The following SPAG16 variants were observed in gnomAD, a reference collection of about 807,000 sequenced individuals.
SPAG16 encodes sperm associated antigen 16.
In SPAG16, 86 loss-of-function variants were observed where a neutral mutation model predicts 80.4. The observed-to-expected ratio is 1.07, with a 90% CI of 0.90 to 1.28. SPAG16 has a LOEUF of 1.28. Among genes scored for constraint, SPAG16 ranks in the 50% most tolerant of loss-of-function variants. The pLI is 0.00. For missense variants in SPAG16, 870 were observed against 765.3 expected, an observed-to-expected ratio of 1.14 and a Z score of -1.61; for synonymous variants, 294 against 265.9, an observed-to-expected ratio of 1.11 and a Z score of -1.03.
chr2:214,151,664 G>A (rs1197438710), intron 15 of SPAG16, among the ~76,000 whole-genome samples: 1 of 152,070 alleles, frequency 6.6e-6, no homozygotes, highest in Non-Finnish European at 1.5e-5. Flanking sequence ...GCTCACATTA[G>A]TTATGTCTAA....
intron 8 of SPAG16, among the ~76,000 whole-genome samples, chr2:213,371,583 CCATTTATTTTCGG>C (rs1333917577): frequency 1.3e-5 from 2 of 152,120 alleles, no homozygotes; most frequent in Non-Finnish European, 2.9e-5. Context: ...ATCCATCTAT[CCATTTATTTTCGG>C]CAGAAGTTGG....
intron 10 of SPAG16, among the ~76,000 whole-genome samples, chr2:213,659,717 A>G (rs555443697): frequency 1.3e-5 from 2 of 152,332 alleles, no homozygotes; most frequent in South Asian, 2.1e-4. Flanking sequence ...AACTTTTTCT[A>G]TTCCAGTAAC....
At chr2:214,304,240 G>T (rs1398180556) in intron 15 of SPAG16, among the ~76,000 whole-genome samples, 1 of 152,160 alleles carries the variant, frequency 6.6e-6, no homozygotes, top group East Asian at 1.9e-4. Context: ...GCCATAAACT[G>T]GCCCCAAAAG....
chr2:213,357,905 T>G (rs2065756953), intron 7 of SPAG16, among the ~76,000 whole-genome samples: 1 of 152,248 alleles, frequency 6.6e-6, no homozygotes, highest in African/African-American at 2.4e-5. Flanking sequence ...TGGTTGTTCC[T>G]TTCCATGTTT....
chr2:213,416,938 T>C (rs1378303566), intron 9 of SPAG16, among the ~76,000 whole-genome samples: 1 of 152,218 alleles, frequency 6.6e-6, no homozygotes, highest in Admixed American at 6.5e-5. Flanking sequence ...CAGGACAGAC[T>C]TAACAGTTTA....
chr2:214,180,901 C>T (rs1047223118), intron 15 of SPAG16, among the ~76,000 whole-genome samples: 1 of 151,608 alleles, frequency 6.6e-6, no homozygotes, highest in Admixed American at 6.6e-5. Flanking sequence ...CATGCCAAAC[C>T]AACCTGGGAT....
At chr2:213,567,165 CTTTTTTTTTT>C (rs531916197) in intron 10 of SPAG16, among the ~76,000 whole-genome samples, 1 of 94,914 alleles carries the variant, frequency 1.1e-5, no homozygotes, top group African/African-American at 3.9e-5. Flanking sequence ...AACACAGATT[CTTTTTTTTTT>C]TTTTTTTTTT....
intron 11 of SPAG16, among the ~76,000 whole-genome samples, chr2:213,871,269 C>T (rs1256975513): frequency 6.6e-6 from 1 of 151,956 alleles, no homozygotes; most frequent in Non-Finnish European, 1.5e-5. Context: ...AAATATATTC[C>T]TTCATAAAAG....
intron 9 of SPAG16, among the ~76,000 whole-genome samples, chr2:213,407,283 A>C (rs866309241): frequency 6.6e-6 from 1 of 152,068 alleles, no homozygotes; most frequent in Non-Finnish European, 1.5e-5. Context: ...GAAATAGGTC[A>C]ATCTTCCAGG....
intron 5 of SPAG16, among the ~76,000 whole-genome samples, chr2:213,320,998 A>G (rs2063586810): frequency 2.0e-5 from 3 of 152,132 alleles, no homozygotes; most frequent in Admixed American, 2.0e-4. Flanking sequence ...AGCAATTAGT[A>G]ATAAACATGA....
intron 9 of SPAG16, among the ~76,000 whole-genome samples, chr2:213,452,504 C>T (rs555893956): frequency 3.3e-5 from 5 of 152,300 alleles, no homozygotes; most frequent in Admixed American, 3.3e-4. Flanking sequence ...GGAACTAACC[C>T]TAGTCAAATC....
chr2:213,682,525 G>A (rs1205742401), intron 10 of SPAG16, among the ~76,000 whole-genome samples: 2 of 152,222 alleles, frequency 1.3e-5, no homozygotes, highest in Non-Finnish European at 2.9e-5. Context: ...GCCAATTTTG[G>A]TCAGGAGCAT....
chr2:213,413,635 G>A (rs1011372079), intron 9 of SPAG16, among the ~76,000 whole-genome samples: 9 of 152,074 alleles, frequency 5.9e-5, no homozygotes, highest in Non-Finnish European at 1.2e-4. Context: ...TTGTAGCACA[G>A]ACTAGTGCAT....
At chr2:213,652,100 C>T (rs550496325) in intron 10 of SPAG16, among the ~76,000 whole-genome samples, 1 of 152,072 alleles carries the variant, frequency 6.6e-6, no homozygotes, top group African/African-American at 2.4e-5. Context: ...CTGGATATAG[C>T]CTAAAATCAA....
At chr2:213,959,291 C>A (rs2044297980) in intron 12 of SPAG16, among the ~76,000 whole-genome samples, 1 of 152,262 alleles carries the variant, frequency 6.6e-6, no homozygotes, top group Middle Eastern at 3.4e-3. Flanking sequence ...ATATTCCTGT[C>A]TTTCACTACA....
At chr2:214,049,705 C>T (rs1403234403) in intron 13 of SPAG16, among the ~76,000 whole-genome samples, 1 of 152,226 alleles carries the variant, frequency 6.6e-6, no homozygotes, top group Non-Finnish European at 1.5e-5. Context: ...GGCTGCCCCA[C>T]AGCCATTGTA....
At chr2:213,342,339 AT>A (rs1393822157) in intron 6 of SPAG16, among the ~76,000 whole-genome samples, 2 of 7,072 alleles carry the variant, frequency 2.8e-4, no homozygotes, top group Non-Finnish European at 5.6e-4. Context: ...GTATATATAT[AT>A]TACATATATG....
At chr2:213,640,926 G>GCTT (rs1458691459) in intron 10 of SPAG16, among the ~76,000 whole-genome samples, 178 of 152,264 alleles carry the variant, frequency 1.2e-3, no homozygotes, top group African/African-American at 3.9e-3. Flanking sequence ...TAGTATAGAG[G>GCTT]GGATACACCT....
intron 15 of SPAG16, among the ~76,000 whole-genome samples, chr2:214,293,690 G>A (rs1693950830): frequency 6.6e-6 from 1 of 152,172 alleles, no homozygotes; most frequent in South Asian, 2.1e-4. Flanking sequence ...GGAGCTCATG[G>A]TTTGCTTATG....
Sources: allele counts gnomAD v4.1 joint callset (sites outside exome capture counted in the v4.1 genomes callset), GRCh38; gene constraint gnomAD v4.1.1; transcripts MANE v1.5; gene names NCBI Gene and HGNC (gene_info 2026-07-23, HGNC 2026-07-21).